TMEM117: variants seen among roughly 807,000 people sequenced by gnomAD.
TMEM117 encodes the protein transmembrane protein 117.
Under a neutral mutation model 52.4 loss-of-function variants are expected in TMEM117, and 27 were observed. That is an observed-to-expected ratio of 0.51 (90% CI 0.38 to 0.71). The LOEUF is 0.71. Among genes scored for constraint, TMEM117 ranks in the 30% least tolerant of loss-of-function variants. TMEM117 has a pLI of 0.00. For missense variants in TMEM117, 556 were observed against 630.5 expected (o/e 0.88, Z 1.26); for synonymous variants, 215 against 206.3 (o/e 1.04, Z -0.36).
At chr12:43,815,926 T>C in the TMEM117 span, among the ~76,000 whole-genome samples, 104 of 152,356 alleles carry the variant, frequency 6.8e-4, no homozygotes, top group African/African-American at 2.4e-3. Flanking sequence ...AAATGTGTTG[T>C]ACTTTTCAAA....
At position 44,214,025 on chromosome 12, in the gene TMEM117, G is replaced by C. The variant is rs17094276; in HGVS notation, c.608+2638G>C. Among the ~76,000 whole-genome samples, 358 of 150,226 alleles carry C rather than the reference G, an allele frequency of 2.4e-3. 12 individuals are homozygous for C. In the East Asian group the frequency reaches 0.035, roughly 15 times the overall value. On this transcript the variant is annotated intron_variant, in intron 5 of 7. Transcript: ENST00000266534. ...GCCCCTATGATTGTTGTCATTAGCTGTTCTTAATCATGATTGCTGTTTCAG... is the reference window on the plus strand; with the variant it reads ...GCCCCTATGATTGTTGTCATTAGCTCTTCTTAATCATGATTGCTGTTTCAG...
chr12:44,059,129 G>A lies in TMEM117; in HGVS notation c.411-84396G>A, dbSNP rs140926748. Reference sequence around the variant, plus strand: ...TGCCACTGCTGATCTGACAGGAAGTGGAGCTCAGGTGGTAATGCTCGTTGG... The same window carrying A: ...TGCCACTGCTGATCTGACAGGAAGTAGAGCTCAGGTGGTAATGCTCGTTGG... On this transcript the variant is annotated intron_variant, in intron 3 of 7. Coordinates refer to ENST00000266534, the MANE Select transcript of TMEM117 (RefSeq NM_032256.3). 2.3e-4 allele frequency among the ~76,000 whole-genome samples: 35 copies of A among 152,290 alleles called. No homozygotes were observed. In the South Asian group the frequency reaches 3.1e-3, roughly 14 times the overall value.
chr12:43,839,695 G>T (rs1592296537), intron 1 of TMEM117, among the ~76,000 whole-genome samples: 2 of 152,292 alleles, frequency 1.3e-5, no homozygotes, highest in South Asian at 4.1e-4. Flanking sequence ...TTCCCTCAAA[G>T]AAACTATCAG....
intron 5 of TMEM117, among the ~76,000 whole-genome samples, chr12:44,294,191 C>A (rs1565682219): frequency 1.3e-5 from 2 of 152,060 alleles, no homozygotes; most frequent in Non-Finnish European, 2.9e-5. Flanking sequence ...GGGTACCCTT[C>A]TTTGTGATGA....
intron 2 of TMEM117, among the ~76,000 whole-genome samples, chr12:43,902,015 T>C (rs1279873107): frequency 6.6e-6 from 1 of 152,254 alleles, no homozygotes; most frequent in Non-Finnish European, 1.5e-5. Context: ...ATTTGCTTAC[T>C]CAACCTACAT....
chr12:44,242,219 A>G (rs1040432002), intron 5 of TMEM117, among the ~76,000 whole-genome samples: 3 of 151,648 alleles, frequency 2.0e-5, no homozygotes, highest in African/African-American at 4.8e-5. Flanking sequence ...TTTGTTGTAC[A>G]GATTTTTTCA....
downstream of TMEM117, among the ~76,000 whole-genome samples, chr12:44,390,592 A>G (rs1247568841): frequency 6.6e-6 from 1 of 152,056 alleles, no homozygotes; most frequent in Non-Finnish European, 1.5e-5. Context: ...CAAACTTAGA[A>G]CAACATGTTT....
intron 5 of TMEM117, among the ~76,000 whole-genome samples, chr12:44,232,249 G>T (rs1045531495): frequency 6.6e-6 from 1 of 151,536 alleles, no homozygotes; most frequent in Admixed American, 6.6e-5. Context: ...TATTTTCCAA[G>T]CTTACTGCTT....
At chr12:44,274,312 A>G (rs994169562) in intron 5 of TMEM117, among the ~76,000 whole-genome samples, 17 of 152,096 alleles carry the variant, frequency 1.1e-4, no homozygotes, top group African/African-American at 3.9e-4. Flanking sequence ...AGAGGACACC[A>G]AAAAATGGAA....
chr12:44,046,637 G>C (rs193058918), intron 3 of TMEM117, among the ~76,000 whole-genome samples: 11 of 152,268 alleles, frequency 7.2e-5, no homozygotes, highest in Admixed American at 1.3e-4. Flanking sequence ...AGTAGAAGAA[G>C]GTAGTCATCA....
In TMEM117 at chr12:43,913,878, C is replaced by T. The variant is rs147790177; in HGVS notation, c.278-30332C>T. Among the ~76,000 whole-genome samples, 158 of 152,246 alleles carry T rather than the reference C, an allele frequency of 1.0e-3. 1 individual carries two copies. The highest frequency in any genetic ancestry group is 2.8e-3 in the African/African-American group (115 of 41,556). On this transcript the variant is annotated intron_variant, in intron 2 of 7. Transcript: ENST00000266534. ...ATGTTTACAGAGAATAGAAGTATTA[C>T]ACGTGACCAAATATTAACTATATCA...
rs149669395 is a variant in TMEM117, at chr12:44,370,662, C to T, written c.769-5933C>T. Among the ~76,000 whole-genome samples, 657 of 152,104 alleles carry T rather than the reference C, an allele frequency of 4.3e-3. 2 individuals carry two copies. The highest frequency in any genetic ancestry group is 0.01 in the Middle Eastern group (3 of 294). ...CCTCCCCAGTAGCTGGGACTACAGG[C>T]ATGAGCCACCATGCCTGGCTAATTT... On this transcript the variant is annotated intron_variant, in intron 6 of 7. Transcript: ENST00000266534.
At chr12:44,276,654 TAA>T (rs1333843847) in intron 5 of TMEM117, among the ~76,000 whole-genome samples, 5 of 152,090 alleles carry the variant, frequency 3.3e-5, no homozygotes. Context: ...CCCAAAAAAA[TAA>T]GTCTGAGAGA....
chr12:44,242,217 A>G (rs1950071536), intron 5 of TMEM117, among the ~76,000 whole-genome samples: 1 of 151,632 alleles, frequency 6.6e-6, no homozygotes, highest in Non-Finnish European at 1.5e-5. Context: ...GGTTTGTTGT[A>G]CAGATTTTTT....
intron 3 of TMEM117, among the ~76,000 whole-genome samples, chr12:44,038,983 T>G (rs778524212): frequency 9.2e-5 from 14 of 152,218 alleles, no homozygotes; most frequent in Non-Finnish European, 1.5e-4. Context: ...ACCACCTCCC[T>G]GCCAAGCAAA....
At chr12:44,053,489 T>G (rs1290518591) in intron 3 of TMEM117, among the ~76,000 whole-genome samples, 1 of 152,148 alleles carries the variant, frequency 6.6e-6, no homozygotes, top group Non-Finnish European at 1.5e-5. Context: ...TTATCTAGGT[T>G]TCATTTTATG....
chr12:44,099,467 T>C (rs1947826458), intron 3 of TMEM117, among the ~76,000 whole-genome samples: 1 of 152,064 alleles, frequency 6.6e-6, no homozygotes, highest in South Asian at 2.1e-4. Flanking sequence ...ATGTGGAAGT[T>C]TAATTATTTA....
intron 3 of TMEM117, among the ~76,000 whole-genome samples, chr12:44,007,571 A>G (rs764229110): frequency 6.6e-6 from 1 of 152,154 alleles, no homozygotes; most frequent in Non-Finnish European, 1.5e-5. Flanking sequence ...TAAGACTTCT[A>G]GTGCATGCCT....
intron 3 of TMEM117, among the ~76,000 whole-genome samples, chr12:44,129,197 C>T (rs905864578): frequency 6.6e-6 from 1 of 152,202 alleles, no homozygotes; most frequent in African/African-American, 2.4e-5. Context: ...TTCAGAAGAG[C>T]TTCCATTAGT....
Sources: gnomAD v4.1 joint callset for allele counts (sites outside exome capture counted in the v4.1 genomes callset) on GRCh38, gnomAD v4.1.1 for gene constraint, MANE v1.5 for transcripts, NCBI Gene and HGNC (gene_info 2026-07-23, HGNC 2026-07-21) for gene names.